The following MAN2B1 variants were observed in gnomAD, a reference collection of about 807,000 sequenced individuals.
The protein encoded by MAN2B1 is mannosidase alpha class 2B member 1, also known as lysosomal alpha-mannosidase.
A neutral mutation model predicts 127.5 loss-of-function variants in MAN2B1; 99 were observed. The observed-to-expected ratio is 0.78, with a 90% CI of 0.66 to 0.92. The LOEUF is 0.92. Among genes scored for constraint, MAN2B1 ranks in the 40% least tolerant of loss-of-function variants. MAN2B1 has a pLI of 0.00. For synonymous variants in MAN2B1, 573 were observed against 568.8 expected (o/e 1.01, Z -0.11); for missense variants, 1,304 against 1,384.8 (o/e 0.94, Z 0.93).
chr19:12,648,861 G>A (rs111620984), intron 20 of MAN2B1, among the ~76,000 whole-genome samples: 1 of 152,162 alleles, frequency 6.6e-6, no homozygotes, highest in African/African-American at 2.4e-5. Context: ...CGGGCGTGAT[G>A]GTGTGTGCCT....
intron 4 of MAN2B1, 72 bp downstream of exon 4, chr19:12,664,720 C>T (rs1449692768): frequency 1.1e-5 from 16 of 1,456,266 alleles, no homozygotes; most frequent in Admixed American, 9.5e-5. Context: ...AGGGAGAGGG[C>T]GGGGTTTGAC....
rs1222864490 is a variant in MAN2B1 at position 12,661,330 on chromosome 19, T to C, written c.956A>G (p.Asp319Gly). ...CATGTTGGCATTCTCATATTGGAAG[T>C]CCGAGCCCATGGTCATCACAGTGTG... ...TNHTVMTMGS[D>G]FQYENANMWF... is the part of the protein sequence containing the mutation. The change falls in exon 7 of 24, where the codon GAC becomes GGC. Residue 319 changes from aspartate to glycine, a missense_variant. Asp to Gly is a moderately conservative substitution (Grantham distance 94, BLOSUM62 -1). Coordinates refer to ENST00000456935, the MANE Select transcript of MAN2B1 (RefSeq NM_000528.4). The C allele has an allele frequency of 6.2e-7, 1 of 1,614,046 alleles. No homozygotes were observed. Among genetic ancestry groups the C allele is most frequent in the Admixed American group, 1.7e-5 (1 of 60,002 alleles).
At chr19:12,656,817 G>T in intron 12 of MAN2B1, 130 bp from the exon 13 acceptor site, 1 of 1,028,704 alleles carries the variant, frequency 9.7e-7, no homozygotes, top group Non-Finnish European at 1.5e-6. Context: ...CCCTCGAGAT[G>T]CGTTGTTCTC....
rs1377578027 is a variant in MAN2B1, at chr19:12,649,344, G to A, written c.2352C>T (p.Ile784=). Residue 784 remains isoleucine (I), a synonymous_variant, in exon 19 of 24, where the codon ATC becomes ATT. Coordinates refer to ENST00000456935, the MANE Select transcript of MAN2B1 (RefSeq NM_000528.4). ...GTGCAGGATGGGGGAGAGCTACCGT[G>A]ATGTAAATCCGGGTGTTGACTGGAT... The part of the protein sequence containing the change: ...NYYPVNTRIY[I]TDGNMQLTVL... The A allele has an allele frequency of 6.2e-7, 1 of 1,613,170 alleles. No individual in the cohort carries two copies. Among genetic ancestry groups the A allele is most frequent in the African/African-American group, 1.3e-5 (1 of 74,848 alleles).
rs912284640 is a variant in MAN2B1, at chr19:12,656,599, T to G, written c.1616A>C (p.Asp539Ala). The G allele has an allele frequency of 1.1e-5, 17 of 1,613,458 alleles. No individual in the cohort carries two copies. Among genetic ancestry groups the G allele is most frequent in the Non-Finnish European group, 1.4e-5 (17 of 1,179,758 alleles). ...GCTGGGCACTGTCCTGCCATTGGGG[T>G]CCTTCACAACGAAAACGCCTTCGCT... ...PVSEGVFVVK[D>A]PNGRTVPSDV... Residue 539 changes from aspartate (D) to alanine (A), a missense_variant, in exon 13 of 24, where the codon GAC (aspartate) becomes GCC (alanine). Transcript: ENST00000456935.
chr19:12,663,584 G>A, intron 5 of MAN2B1, 119 bp downstream of exon 5: 2 of 1,543,690 alleles, frequency 1.3e-6, no homozygotes, highest in Non-Finnish European at 1.8e-6. Context: ...AGGAAATGCA[G>A]GGCCTTTGTT....
In MAN2B1 at chr19:12,655,809, G is replaced by A. The variant is rs2023940263; in HGVS notation, c.1715C>T (p.Ala572Val). 2 of 1,613,366 alleles carry A rather than the reference G, an allele frequency of 1.2e-6. No individual in the cohort carries two copies. The highest frequency in any genetic ancestry group is 1.7e-6 in the Non-Finnish European group (2 of 1,179,492). ...TACTGAATAGGTGCTGAAGCCCAGG[G>A]CGGGCAGTGAGGCTGAGAACAGCAG... ...PELLFSASLP[A>V]LGFSTYSVAQ... The change falls in exon 14 of 24, where the codon GCC becomes GTC. Residue 572 changes from alanine to valine, a missense_variant. Coordinates refer to ENST00000456935, the MANE Select transcript of MAN2B1 (RefSeq NM_000528.4).
intron 10 of MAN2B1, 130 bp downstream of exon 10, chr19:12,657,933 A>C (rs537516348): frequency 1.1e-4 from 92 of 812,568 alleles, no homozygotes; most frequent in Non-Finnish European, 1.3e-4. Flanking sequence ...CCAGCCTGGG[A>C]GACAAATCGA....
intron 14 of MAN2B1, among the ~76,000 whole-genome samples, chr19:12,654,174 C>A (rs373420205): frequency 1.3e-5 from 2 of 151,950 alleles, no homozygotes; most frequent in African/African-American, 4.8e-5. Flanking sequence ...TCCCGAGTAA[C>A]TGGGACTACA....
At position 12,652,112 on chromosome 19, in the gene MAN2B1, C is replaced by G. The variant is rs1228379773; in HGVS notation, c.2046+41G>C. On this transcript the variant is annotated intron_variant, in intron 16 of 23. Transcript: ENST00000456935. ...ACCACCCTCTTGGGCTCCATAACTTCCCCATTCCCAACTGCCCACTCATCA... is the reference window on the plus strand; with the variant it reads ...ACCACCCTCTTGGGCTCCATAACTTGCCCATTCCCAACTGCCCACTCATCA... The G allele has an allele frequency of 2.0e-6, 3 of 1,496,592 alleles. No homozygotes were observed. In the South Asian group the frequency reaches 3.4e-5, roughly 17 times the overall value. The allele number at this position is 1,496,592 out of a possible 1,614,324, so 92.7% of individuals were successfully genotyped here.
intron 10 of MAN2B1, 170 bp from the exon 11 acceptor site, chr19:12,657,725 G>A (rs1214515818): frequency 5.9e-6 from 4 of 673,110 alleles, no homozygotes; most frequent in African/African-American, 3.6e-5. Flanking sequence ...TTGAGAGACC[G>A]AGGCGGGCGG....
At chr19:12,661,097 A>T in intron 7 of MAN2B1, 163 bp downstream of exon 7, 3 of 650,430 alleles carry the variant, frequency 4.6e-6, no homozygotes, top group Non-Finnish European at 8.6e-6. Context: ...AAGACAATGT[A>T]TTTCTGTTGT....
At chr19:12,663,116 GCTGGAT>G (rs2024146463) in intron 6 of MAN2B1, among the ~76,000 whole-genome samples, 195 bp downstream of exon 6, 1 of 150,326 alleles carries the variant, frequency 6.7e-6, no homozygotes, top group African/African-American at 2.5e-5. Context: ...ACAAAAATTA[GCTGGAT>G]GTGCTTGTTT....
intron 18 of MAN2B1, 152 bp downstream of exon 18, chr19:12,649,761 C>A: frequency 2.8e-6 from 2 of 710,718 alleles, no homozygotes; most frequent in Non-Finnish European, 5.0e-6. Flanking sequence ...GGATTACAGG[C>A]GTGAGCCACT....
rs762300861 is a variant in MAN2B1 at position 12,649,198 on chromosome 19, T to A, written c.2374A>T (p.Thr792Ser). ...CCCTGGGAGCGGTCAGTCAGCACAGTCAGCTGCATGTTTCCATCCTGGGAG... is the reference window on the plus strand; with the variant it reads ...CCCTGGGAGCGGTCAGTCAGCACAGACAGCTGCATGTTTCCATCCTGGGAG... ...IYITDGNMQL[T>S]VLTDRSQGGS... The change falls in exon 20 of 24, where the codon ACT becomes TCT. Residue 792 changes from threonine (T) to serine (S), a missense_variant. Physicochemically the swap from Thr to Ser is moderately conservative, Grantham distance 58. Transcript: ENST00000456935. 6.2e-7 allele frequency: 1 copy of A among 1,613,334 alleles called. No individual in the cohort carries two copies. The highest frequency in any genetic ancestry group is 2.2e-5 in the East Asian group (1 of 44,872).
At position 12,658,256 on chromosome 19, in the gene MAN2B1, G is replaced by C; in HGVS notation, c.1198C>G (p.Arg400Gly). Residue 400 changes from arginine to glycine, a missense_variant, in exon 9 of 24, where the codon CGC becomes GGC. Coordinates refer to ENST00000456935, the MANE Select transcript of MAN2B1 (RefSeq NM_000528.4). ...AAGTTGTAGCTGAGGCGCTCGTAGC[G>C]TTTGAGGGCCGGCCGACTGGAAAAG... ...GYFSSRPALKRYERLSYNFLQ... is the reference protein window; with the variant it reads ...GYFSSRPALKGYERLSYNFLQ... 6.2e-7 allele frequency: 1 copy of C among 1,614,182 alleles called. No homozygotes were observed. The highest frequency in any genetic ancestry group is 8.5e-7 in the Non-Finnish European group (1 of 1,180,028).
At chr19:12,650,244 G>T in intron 16 of MAN2B1, 22 bp from the exon 17 acceptor site, 2 of 1,506,236 alleles carry the variant, frequency 1.3e-6, no homozygotes, top group Non-Finnish European at 9.2e-7. Flanking sequence ...CGGGTGAGGT[G>T]GATGTCAGTC....
chr19:12,647,689 T>C lies in MAN2B1; in HGVS notation c.2665-91A>G, dbSNP rs561129352. On this transcript the variant is annotated intron_variant, in intron 21 of 23. Coordinates refer to ENST00000456935, the MANE Select transcript of MAN2B1 (RefSeq NM_000528.4). This position sits in a 1 kb window ranked among gnomAD's most constrained non-coding sequence, Gnocchi z 4.9. The stretch of plus-strand genomic sequence containing the variant: ...AGCCAGGTCAGGAGGCAGGGCTAGG[T>C]TGTAGGGGCGGGGTTTCGCCGGAGA... 1,196 of 1,097,946 alleles carry C rather than the reference T, an allele frequency of 1.1e-3. 4 individuals carry two copies. The highest frequency in any genetic ancestry group is 1.4e-3 in the Non-Finnish European group (1,072 of 770,490). 68.0% of individuals were successfully genotyped at this position (1,097,946 alleles called of 1,614,324 possible). A position where few individuals can be genotyped will look rare whatever the true frequency, so the allele number is the denominator to read the frequency against.
At position 12,661,301 on chromosome 19, in the gene MAN2B1, A is replaced by C; in HGVS notation, c.985T>G (p.Phe329Val). Residue 329 changes from phenylalanine (F) to valine (V), a missense_variant, in exon 7 of 24, where the codon TTC (phenylalanine) becomes GTC (valine). Transcript: ENST00000456935. ...DFQYENANMW[F>V]KNLDKLIRLV... ...CGGATGAGCTTGTCAAGGTTCTTGA[A>C]CCACATGTTGGCATTCTCATATTGG... 6.2e-7 allele frequency: 1 copy of C among 1,614,056 alleles called. No individual in the cohort carries two copies. The highest frequency in any genetic ancestry group is 1.1e-5 in the South Asian group (1 of 91,084).
Sources: allele counts gnomAD v4.1 joint callset (sites outside exome capture counted in the v4.1 genomes callset), GRCh38; gene constraint gnomAD v4.1.1; non-coding constraint Gnocchi (gnomAD v3.1); transcripts MANE v1.5; gene names NCBI Gene and HGNC (gene_info 2026-07-23, HGNC 2026-07-21).